Variants in BAHCC1 observed in about 807,000 individuals in gnomAD.
The protein encoded by BAHCC1 is BAH domain and coiled-coil containing 1.
BAHCC1 carries 43 observed loss-of-function variants against 88.2 expected under a neutral mutation model. The ratio of observed to expected loss-of-function variants is 0.49; its 90% confidence interval spans 0.38 to 0.63. The LOEUF (loss-of-function observed/expected upper bound fraction) is 0.63, where lower values mean the gene tolerates loss of function less well. BAHCC1 is among the 20% of genes least tolerant of loss of function. BAHCC1 has a pLI of 0.00. For missense variants in BAHCC1, 3,023 were observed against 1,654.8 expected, an observed-to-expected ratio of 1.83 and a Z score of -14.34; for synonymous variants, 1,510 against 745.5, an observed-to-expected ratio of 2.03 and a Z score of -16.71.
At chr17:81,418,097 G>C (rs1160524793) in intron 2 of BAHCC1, among the ~76,000 whole-genome samples, 1 of 152,242 alleles carries the variant, frequency 6.6e-6, no homozygotes, top group African/African-American at 2.4e-5. Context: ...CCAGGCTGTG[G>C]GGGCAGAAGA....
chr17:81,430,780 G>T lies in BAHCC1; in HGVS notation c.358+3801G>T, dbSNP rs931310218. 3.9e-5 allele frequency among the ~76,000 whole-genome samples: 6 copies of T among 152,050 alleles called. No homozygotes were observed. The East Asian group carries it at 9.7e-4, about 24-fold the overall frequency. ...AGCTCCTCCTTCCTCTCCCGGCCTC[G>T]GTTTCCTCGGTGGCTAAAACAGCTT... is the stretch of plus-strand genomic sequence containing the variant. On this transcript the variant is annotated intron_variant, in intron 3 of 27. Transcript: ENST00000675386.
In BAHCC1 at chr17:81,442,342, G is replaced by A. The variant is rs1555652773; in HGVS notation, c.993G>A (p.Gly331=). ...AGGCAGCAGGCCCCCCGGAGCCCGG[G>A]CCGGCCTTCAGCGAGTGCCTGGAGC... The part of the protein sequence containing the change: ...AKEAAGPPEP[G]PAFSECLERR... Residue 331 remains glycine, a synonymous_variant, in exon 5 of 28, where the codon GGG becomes GGA. Coordinates refer to ENST00000675386, the MANE Select transcript of BAHCC1 (RefSeq NM_001377448.1). 1 of 695,824 alleles carries A rather than the reference G, an allele frequency of 1.4e-6. No homozygotes were observed. The allele number at this position is 695,824 out of a possible 1,614,324, so 43.1% of individuals were successfully genotyped here.
At position 81,443,162 on chromosome 17, in the gene BAHCC1, T is replaced by C; in HGVS notation, c.1813T>C (p.Tyr605His). ...AISEERKAGA[Y>H]LDPFGSGLQQ... Reference sequence around the variant, plus strand: ...CAGCGAGGAGCGCAAGGCTGGCGCCTACCTGGACCCCTTTGGCAGTGGCCT... The same window carrying C: ...CAGCGAGGAGCGCAAGGCTGGCGCCCACCTGGACCCCTTTGGCAGTGGCCT... The change falls in exon 5 of 28, where the codon TAC (tyrosine) becomes CAC (histidine). Residue 605 changes from tyrosine to histidine, a missense_variant. Coordinates refer to ENST00000675386, the MANE Select transcript of BAHCC1 (RefSeq NM_001377448.1). 1 of 778,466 alleles carries C rather than the reference T, an allele frequency of 1.3e-6. No homozygotes were observed. The highest frequency in any genetic ancestry group is 2.4e-6 in the Non-Finnish European group (1 of 417,276). 48.2% of individuals were successfully genotyped at this position (778,466 alleles called of 1,614,324 possible).
At chr17:81,438,956 GCCCAGCC>G (rs1212215454) in intron 4 of BAHCC1, among the ~76,000 whole-genome samples, 28 of 152,192 alleles carry the variant, frequency 1.8e-4, no homozygotes, top group African/African-American at 6.0e-4. Context: ...GCTGCACGAG[GCCCAGCC>G]CCCAGCCCCC....
intron 2 of BAHCC1, chr17:81,415,462 A>G (rs782132883): frequency 6.2e-6 from 3 of 486,478 alleles, no homozygotes; most frequent in Admixed American, 2.1e-5. Context: ...GCGAGGCCCC[A>G]TGTGGTTGGA....
intron 2 of BAHCC1, chr17:81,401,605 C>A (rs1378596766): frequency 6.6e-6 from 1 of 152,466 alleles, no homozygotes; most frequent in Admixed American, 6.5e-5. Context: ...TCGCCAGCCT[C>A]CCCACCAGCC....
In BAHCC1 at chr17:81,434,895, G is replaced by T. The variant is rs563503295; in HGVS notation, c.359-3475G>T. 6.6e-6 allele frequency among the ~76,000 whole-genome samples: 1 copy of T among 152,198 alleles called. No individual in the cohort carries two copies. Among genetic ancestry groups the T allele is most frequent in the African/African-American group, 2.4e-5 (1 of 41,532 alleles). On this transcript the variant is annotated intron_variant, in intron 3 of 27. Coordinates refer to ENST00000675386, the MANE Select transcript of BAHCC1 (RefSeq NM_001377448.1). This position sits in a 1 kb window ranked among gnomAD's most constrained non-coding sequence, Gnocchi z 4.9. ...GGATGAGGGGGATGAGGTACCTGGA[G>T]TGGGGGTGCCCGTCAGGCAGCCAGG...
rs782646458 is a variant in BAHCC1, at chr17:81,458,822, C to T, written c.5458C>T (p.Arg1820Trp). 1.3e-5 allele frequency: 10 copies of T among 765,192 alleles called. No individual in the cohort carries two copies. The highest frequency in any genetic ancestry group is 5.4e-5 in the South Asian group (4 of 73,428). 47.4% of individuals were successfully genotyped at this position (765,192 alleles called of 1,614,324 possible). ...CTCCTCTGGCCCCCAGGGCAAGGGC[C>T]GGGCCGTGAGCCGCCTGCTGGAAAG... ...KHKAGKQGKG[R>W]AVSRLLESFA... Residue 1820 changes from arginine to tryptophan, a missense_variant, in exon 20 of 28, where the codon CGG becomes TGG. Transcript: ENST00000675386.
At chr17:81,406,699 C>T (rs1197431323) in intron 2 of BAHCC1, among the ~76,000 whole-genome samples, 2 of 152,228 alleles carry the variant, frequency 1.3e-5, no homozygotes, top group African/African-American at 4.8e-5. Flanking sequence ...CTCCCGTGGC[C>T]CCAGAGCAGC....
In BAHCC1 at chr17:81,443,857, A is replaced by G. The variant is rs782030417; in HGVS notation, c.2264A>G (p.Glu755Gly). ...CACGCGCTGGACCTGGAGGCTGAGG[A>G]GGAGAGGACGAGGCTATGTGATGAC... Reference protein sequence around the residue: ...STHALDLEAEEERTRLCDDRL... With the variant: ...STHALDLEAEGERTRLCDDRL... The change falls in exon 6 of 28, where the codon GAG (glutamate) becomes GGG (glycine). Residue 755 changes from glutamate to glycine, a missense_variant. By Grantham distance (98) the Glu-to-Gly change is moderately conservative. Coordinates refer to ENST00000675386, the MANE Select transcript of BAHCC1 (RefSeq NM_001377448.1). 30 of 714,142 alleles carry G rather than the reference A, an allele frequency of 4.2e-5. 1 individual carries two copies. The South Asian group carries it at 4.4e-4, about 11-fold the overall frequency. 44.2% of individuals were successfully genotyped at this position (714,142 alleles called of 1,614,324 possible). A position where few individuals can be genotyped will look rare whatever the true frequency, so the allele number is the denominator to read the frequency against.
intron 2 of BAHCC1, among the ~76,000 whole-genome samples, chr17:81,410,677 G>A (rs936276777): frequency 6.6e-5 from 10 of 152,304 alleles, no homozygotes; most frequent in African/African-American, 2.2e-4. Flanking sequence ...AGGTGCTGGG[G>A]GGCCTTCGTG....
chr17:81,448,502 C>T (rs1055467989), intron 11 of BAHCC1, among the ~76,000 whole-genome samples: 8 of 152,210 alleles, frequency 5.3e-5, no homozygotes, highest in Admixed American at 2.6e-4. Flanking sequence ...CCCGGGAAAG[C>T]GCCCGCTTCC....
chr17:81,399,913 C>T lies in BAHCC1; in HGVS notation c.174C>T (p.His58=). Residue 58 remains histidine (H), a synonymous_variant, in exon 2 of 28, where the codon CAC becomes CAT. Transcript: ENST00000675386. The surrounding 1 kb of genome is among the most constrained non-coding windows in gnomAD (Gnocchi z 4.5). ...YFPSPLPMAS[H]TASSRLMGSS... ...CGTCGCCGTTGCCCATGGCTTCGCA[C>T]ACAGGTCAGTGCTCGGCCGGGGCGG... is the stretch of plus-strand genomic sequence containing the variant. 6.9e-7 allele frequency: 1 copy of T among 1,441,658 alleles called. No homozygotes were observed. The highest frequency in any genetic ancestry group is 9.1e-7 in the Non-Finnish European group (1 of 1,094,072). 89.3% of individuals were successfully genotyped at this position (1,441,658 alleles called of 1,614,324 possible). A position where few individuals can be genotyped will look rare whatever the true frequency, so the allele number is the denominator to read the frequency against.
At chr17:81,449,717 T>C (rs1555655365) in intron 11 of BAHCC1, among the ~76,000 whole-genome samples, 1 of 143,970 alleles carries the variant, frequency 6.9e-6, no homozygotes, top group East Asian at 2.2e-4. Flanking sequence ...TCCCTGCGGA[T>C]CCTGGACCCA....
At chr17:81,418,055 GC>G (rs1346785695) in intron 2 of BAHCC1, among the ~76,000 whole-genome samples, 3 of 152,244 alleles carry the variant, frequency 2.0e-5, no homozygotes, top group African/African-American at 7.2e-5. Flanking sequence ...AGGTTTGGTG[GC>G]CCCAGGGGGC....
At position 81,399,340 on chromosome 17, in the gene BAHCC1, C is replaced by T. The variant is rs2063782461; in HGVS notation, c.-206-194C>T. The T allele has an allele frequency of 1.6e-5, 3 of 181,942 alleles. No homozygotes were observed. The Admixed American group carries it at 2.0e-4, about 12-fold the overall frequency. The allele number at this position is 181,942 out of a possible 1,614,324, so 11.3% of individuals were successfully genotyped here. On this transcript the variant is annotated intron_variant, in intron 1 of 27. Coordinates refer to ENST00000675386, the MANE Select transcript of BAHCC1 (RefSeq NM_001377448.1). The surrounding 1 kb of genome is among the most constrained non-coding windows in gnomAD (Gnocchi z 4.5). ...CGGGACGGTGCGTGCGCGCGCGGGGCCCCGGGTGCTGGGCTGCGCGCGCGT... is the reference window on the plus strand; with the variant it reads ...CGGGACGGTGCGTGCGCGCGCGGGGTCCCGGGTGCTGGGCTGCGCGCGCGT...
intron 2 of BAHCC1, among the ~76,000 whole-genome samples, chr17:81,405,482 GTTTC>G (rs2063866850): frequency 2.0e-5 from 3 of 152,084 alleles, no homozygotes; most frequent in Non-Finnish European, 4.4e-5. Flanking sequence ...TTCCTTGGCT[GTTTC>G]TTAACTCAAT....
chr17:81,441,444 C>T (rs1360232927), intron 4 of BAHCC1, among the ~76,000 whole-genome samples: 4 of 152,120 alleles, frequency 2.6e-5, no homozygotes, highest in Non-Finnish European at 5.9e-5. Context: ...GGGTGGATCA[C>T]GAGGTCAGGA....
chr17:81,442,407 CA>C lies in BAHCC1; in HGVS notation c.1059del (p.Pro355ArgfsTer33). 1 of 696,098 alleles carries C rather than the reference CA, an allele frequency of 1.4e-6. No homozygotes were observed. Among genetic ancestry groups the C allele is most frequent in the Non-Finnish European group, 2.7e-6 (1 of 376,650 alleles). 43.1% of individuals were successfully genotyped at this position (696,098 alleles called of 1,614,324 possible). The part of the protein sequence containing the change: ...MLHHTASYAG[P>X]PPPLSTAAGS... ...CACCACACCGCATCCTACGCCGGGC[CA>C]CCCCCGCCCCTCAGCACAGCCGCCG... On this transcript the variant is annotated frameshift_variant, in exon 5 of 28. Coordinates refer to ENST00000675386, the MANE Select transcript of BAHCC1 (RefSeq NM_001377448.1). LOFTEE classifies it high-confidence loss of function.
Sources: allele counts gnomAD v4.1 joint callset (sites outside exome capture counted in the v4.1 genomes callset), GRCh38; gene constraint gnomAD v4.1.1; non-coding constraint Gnocchi (gnomAD v3.1); transcripts MANE v1.5; gene names NCBI Gene and HGNC (gene_info 2026-07-23, HGNC 2026-07-21).